Variants in TMEM140 observed in about 807,000 individuals in gnomAD.
TMEM140 encodes the protein transmembrane protein 140.
For missense variants in TMEM140, 236 were observed against 228.5 expected (o/e 1.03, Z -0.21); for synonymous variants, 107 against 106.8 (o/e 1.00, Z -0.01).
rs1050291388 is a variant in TMEM140, at chr7:135,165,825, G to A, written c.*826G>A. The A allele has an allele frequency of 6.0e-6, 1 of 167,216 alleles. No homozygotes were observed. The highest frequency in any genetic ancestry group is 3.4e-3 in the Middle Eastern group (1 of 296). 10.4% of individuals were successfully genotyped at this position (167,216 alleles called of 1,614,324 possible). On this transcript the variant is annotated 3_prime_UTR_variant, in exon 2 of 2. Coordinates refer to ENST00000275767, the MANE Select transcript of TMEM140 (RefSeq NM_018295.5). ...TGTATTTTCTAGCACTTGTGTATTG[G>A]AAAACCTGTATGGCAGTGATTTATT...
chr7:135,158,176 AG>A (rs1056237158), intron 1 of TMEM140, among the ~76,000 whole-genome samples: 39 of 151,460 alleles, frequency 2.6e-4, no homozygotes, highest in African/African-American at 9.0e-4. Flanking sequence ...CCAGGAGGGC[AG>A]GGGTCCCTCC....
intron 1 of TMEM140, among the ~76,000 whole-genome samples, chr7:135,149,285 A>G (rs1474077502): frequency 6.6e-6 from 1 of 152,198 alleles, no homozygotes; most frequent in Non-Finnish European, 1.5e-5. Flanking sequence ...TACCACAGCT[A>G]ACATTAACAT....
At chr7:135,163,369 T>C (rs1310442741) in intron 1 of TMEM140, among the ~76,000 whole-genome samples, 1 of 152,184 alleles carries the variant, frequency 6.6e-6, no homozygotes, top group Non-Finnish European at 1.5e-5. Context: ...TGGCCAGGCA[T>C]GGTGGCTCAT....
rs540114287 is a variant in TMEM140 at position 135,150,852 on chromosome 7, TCAAA to T, written c.-25+2595_-25+2598del. 5.2e-3 allele frequency among the ~76,000 whole-genome samples: 798 copies of T among 152,314 alleles called. 2 individuals are homozygous for T. The highest frequency in any genetic ancestry group is 9.3e-3 in the Non-Finnish European group (636 of 68,030). On this transcript the variant is annotated intron_variant, in intron 1 of 1. Coordinates refer to ENST00000275767, the MANE Select transcript of TMEM140 (RefSeq NM_018295.5). ...CCCTGGGTGACAGAGCAAGACTGTCTCAAACAAACAAACAAATTAAGATGGCTCA... is the reference window on the plus strand; with the variant it reads ...CCCTGGGTGACAGAGCAAGACTGTCTCAAACAAACAAATTAAGATGGCTCA...
chr7:135,160,767 T>C (rs1048892747), intron 1 of TMEM140, among the ~76,000 whole-genome samples: 1 of 151,032 alleles, frequency 6.6e-6, no homozygotes, highest in African/African-American at 2.4e-5. Context: ...GAGCCCCTAC[T>C]GTGTATCAAA....
In TMEM140 at chr7:135,161,486, G is replaced by A. The variant is rs185820643; in HGVS notation, c.-24-2932G>A. On this transcript the variant is annotated intron_variant, in intron 1 of 1. Coordinates refer to ENST00000275767, the MANE Select transcript of TMEM140 (RefSeq NM_018295.5). The surrounding 1 kb of genome is among the most constrained non-coding windows in gnomAD (Gnocchi z 4.1). ...TTCCACAGCATGATGGTATAAATCA[G>A]GGAAGTCCTGGAAATCTATTCCACA... Among the ~76,000 whole-genome samples the A allele has an allele frequency of 9.9e-4, 150 of 152,210 alleles. 1 individual carries two copies. Among genetic ancestry groups the A allele is most frequent in the Admixed American group, 7.8e-4 (12 of 15,302 alleles).
chr7:135,164,683 G>A lies in TMEM140; in HGVS notation c.242G>A (p.Gly81Asp). The A allele has an allele frequency of 2.5e-6, 4 of 1,614,072 alleles. No homozygotes were observed. Among genetic ancestry groups the A allele is most frequent in the Non-Finnish European group, 3.4e-6 (4 of 1,179,892 alleles). The change falls in exon 2 of 2, where the codon GGC becomes GAC. Residue 81 changes from glycine (G) to aspartate (D), a missense_variant. Gly to Asp is a moderately conservative substitution (Grantham distance 94, BLOSUM62 -1). Transcript: ENST00000275767. ...CTGGGGGTGCCTCGGGTTGGCCTGG[G>A]CCTGGCCAGGCTTGGCGTGTACGGG... is the stretch of plus-strand genomic sequence containing the variant. ...EALGVPRVGL[G>D]LARLGVYGSL...
intron 1 of TMEM140, among the ~76,000 whole-genome samples, chr7:135,150,700 G>A (rs887174223): frequency 2.0e-5 from 3 of 152,278 alleles, no homozygotes; most frequent in Middle Eastern, 3.4e-3. Flanking sequence ...AAACTGGACC[G>A]TGGAGTCCTG....
At position 135,164,501 on chromosome 7, in the gene TMEM140, C is replaced by T. The variant is rs146791672; in HGVS notation, c.60C>T (p.Leu20=). 2.3e-5 allele frequency: 37 copies of T among 1,612,886 alleles called. No homozygotes were observed. The highest frequency in any genetic ancestry group is 1.6e-4 in the Middle Eastern group (1 of 6,082). Residue 20 remains leucine (L), a synonymous_variant, in exon 2 of 2, where the codon CTC becomes CTT. Coordinates refer to ENST00000275767, the MANE Select transcript of TMEM140 (RefSeq NM_018295.5). ...TGCTGTTCATGAGCATCATAGTCCT[C>T]GTGATTGTGGTCATCTGCCTGATGT... ...DQLLFMSIIV[L]VIVVICLMFY...
chr7:135,165,446 G>GAGGTGTCCCA lies in TMEM140; in HGVS notation c.*447_*448insAGGTGTCCCA, dbSNP rs1362491278. 2 of 176,204 alleles carry GAGGTGTCCCA rather than the reference G, an allele frequency of 1.1e-5. No individual in the cohort carries two copies. The highest frequency in any genetic ancestry group is 1.2e-4 in the Admixed American group (2 of 17,252). The allele number at this position is 176,204 out of a possible 1,614,324, so 10.9% of individuals were successfully genotyped here. A position where few individuals can be genotyped will look rare whatever the true frequency, so the allele number is the denominator to read the frequency against. On this transcript the variant is annotated 3_prime_UTR_variant, in exon 2 of 2. Transcript: ENST00000275767. Reference sequence around the variant, plus strand: ...AAAGAGCGAGCACCTCAGTGTCTCTGGGGACATGGTTAAGGAGCTTCCACT... The same window carrying GAGGTGTCCCA: ...AAAGAGCGAGCACCTCAGTGTCTCTGAGGTGTCCCAGGGACATGGTTAAGGAGCTTCCACT...
chr7:135,152,513 T>C (rs1829689141), intron 1 of TMEM140, among the ~76,000 whole-genome samples: 1 of 152,240 alleles, frequency 6.6e-6, no homozygotes, highest in Non-Finnish European at 1.5e-5. Flanking sequence ...ATGAAAACAG[T>C]AACTCTACCC....
intron 1 of TMEM140, among the ~76,000 whole-genome samples, chr7:135,150,098 T>C (rs1318536265): frequency 1.3e-5 from 2 of 152,230 alleles, no homozygotes; most frequent in Non-Finnish European, 1.5e-5. Flanking sequence ...TTGATTTTTT[T>C]ATCTGGTTTT....
In TMEM140 at chr7:135,157,861, C is replaced by T. The variant is rs147005441; in HGVS notation, c.-24-6557C>T. Among the ~76,000 whole-genome samples the T allele has an allele frequency of 4.0e-3, 610 of 152,244 alleles. 2 individuals carry two copies. The highest frequency in any genetic ancestry group is 7.2e-3 in the Admixed American group (110 of 15,302). On this transcript the variant is annotated intron_variant, in intron 1 of 1. Coordinates refer to ENST00000275767, the MANE Select transcript of TMEM140 (RefSeq NM_018295.5). ...CACATTGCCTGATTGTTAATTCAGA[C>T]TGGTTATGAATCAGCATTAAACTCT...
In TMEM140 at chr7:135,156,468, C is replaced by A. The variant is rs146653011; in HGVS notation, c.-24-7950C>A. On this transcript the variant is annotated intron_variant, in intron 1 of 1. Transcript: ENST00000275767. The stretch of plus-strand genomic sequence containing the variant: ...AGTCCTGTCTTCGAGTTCTGAGATT[C>A]TTTCTTCTGCTTGGTGTAGTCTACT... 1.8e-3 allele frequency among the ~76,000 whole-genome samples: 281 copies of A among 151,972 alleles called. 2 individuals carry two copies. The highest frequency in any genetic ancestry group is 6.3e-3 in the African/African-American group (261 of 41,436).
At chr7:135,158,474 C>G (rs1167183892) in intron 1 of TMEM140, among the ~76,000 whole-genome samples, 2 of 152,128 alleles carry the variant, frequency 1.3e-5, no homozygotes, top group African/African-American at 2.4e-5. Flanking sequence ...CTGTGGAACA[C>G]ACAGGATGGC....
rs1278378999 is a variant in TMEM140, at chr7:135,161,983, G to GCC, written c.-24-2432_-24-2431dup. ...GACCCCACCCTTACTGTATTCACAG[G>GCC]CCCCAGCTCTCCATCAGCCAGCCTG... is the stretch of plus-strand genomic sequence containing the variant. On this transcript the variant is annotated intron_variant, in intron 1 of 1. Coordinates refer to ENST00000275767, the MANE Select transcript of TMEM140 (RefSeq NM_018295.5). The surrounding 1 kb of genome is among the most constrained non-coding windows in gnomAD (Gnocchi z 4.1). Among the ~76,000 whole-genome samples, 1 of 152,240 alleles carries GCC rather than the reference G, an allele frequency of 6.6e-6. No homozygotes were observed. The highest frequency in any genetic ancestry group is 2.4e-5 in the African/African-American group (1 of 41,460).
rs55776467 is a variant in TMEM140, at chr7:135,153,456, C to CAAAAA, written c.-25+5202_-25+5206dup. On this transcript the variant is annotated intron_variant, in intron 1 of 1. Coordinates refer to ENST00000275767, the MANE Select transcript of TMEM140 (RefSeq NM_018295.5). ...GCAACACAGCAAGACTCCATCTCCA[C>CAAAAA]AAAAAAAAAAAAAAAAAAAAGTCTA... 3.1e-3 allele frequency among the ~76,000 whole-genome samples: 249 copies of CAAAAA among 79,732 alleles called. 2 individuals are homozygous for CAAAAA. The highest frequency in any genetic ancestry group is 4.1e-3 in the Non-Finnish European group (173 of 42,508). The allele number at this position is 79,732 out of a possible 152,430, so 52.3% of individuals were successfully genotyped here.
rs1829670346 is a variant in TMEM140 at position 135,151,686 on chromosome 7, C to T, written c.-25+3416C>T. Among the ~76,000 whole-genome samples, 1 of 152,204 alleles carries T rather than the reference C, an allele frequency of 6.6e-6. No homozygotes were observed. On this transcript the variant is annotated intron_variant, in intron 1 of 1. Coordinates refer to ENST00000275767, the MANE Select transcript of TMEM140 (RefSeq NM_018295.5). The surrounding 1 kb of genome is among the most constrained non-coding windows in gnomAD (Gnocchi z 4.3). ...AAGCCCTCTATATGTGAGTGAACTT[C>T]CTTCAGTCTCACAACAGCCCATGAG...
intron 1 of TMEM140, among the ~76,000 whole-genome samples, chr7:135,150,549 G>A (rs1437239886): frequency 2.6e-5 from 4 of 152,146 alleles, no homozygotes; most frequent in East Asian, 3.8e-4. Flanking sequence ...CCCACGAGTC[G>A]AAGTGGGTGG....
Sources: allele counts gnomAD v4.1 joint callset (sites outside exome capture counted in the v4.1 genomes callset), GRCh38; gene constraint gnomAD v4.1.1; non-coding constraint Gnocchi (gnomAD v3.1); transcripts MANE v1.5; gene names NCBI Gene and HGNC (gene_info 2026-07-23, HGNC 2026-07-21).